The following ZC3HC1 variants were observed in gnomAD, a reference collection of about 807,000 sequenced individuals.
The protein encoded by ZC3HC1 is zinc finger C3HC-type protein 1.
ZC3HC1 carries 38 observed loss-of-function variants against 61.9 expected under a neutral mutation model. The ratio of observed to expected loss-of-function variants is 0.61; its 90% CI spans 0.47 to 0.81. ZC3HC1 has a LOEUF of 0.81. ZC3HC1 is among the 30% of genes least tolerant of loss of function. ZC3HC1 has a pLI of 0.00. For missense variants in ZC3HC1, 554 were observed against 622.7 expected, an observed-to-expected ratio of 0.89 and a Z score of 1.17; for synonymous variants, 213 against 229.9, an observed-to-expected ratio of 0.93 and a Z score of 0.67.
At chr7:130,019,900 CTT>C (rs1312536906) in intron 9 of ZC3HC1, among the ~76,000 whole-genome samples, 5 of 145,102 alleles carry the variant, frequency 3.4e-5, no homozygotes, top group Non-Finnish European at 6.0e-5. Flanking sequence ...ACTGCAACCT[CTT>C]GACTCCCTGG....
intron 2 of ZC3HC1, 138 bp from the exon 3 acceptor site, chr7:130,041,239 G>C: frequency 1.0e-6 from 1 of 964,616 alleles, no homozygotes; most frequent in South Asian, 2.0e-5. Context: ...CCAGGCTGGA[G>C]TGCAGTGGCA....
intron 4 of ZC3HC1, among the ~76,000 whole-genome samples, chr7:130,033,356 G>A (rs1193489166): frequency 1.3e-5 from 2 of 150,742 alleles, no homozygotes; most frequent in African/African-American, 2.4e-5. Context: ...TCTTATTTGA[G>A]TTTCAGATAT....
intron 2 of ZC3HC1, chr7:130,045,369 G>C (rs1017018428): frequency 2.5e-6 from 1 of 405,666 alleles, no homozygotes; most frequent in African/African-American, 2.1e-5. Flanking sequence ...AAAAGCAGAA[G>C]ACGTGGTGTG....
chr7:130,024,583 G>C, intron 6 of ZC3HC1, 77 bp from the exon 7 acceptor site: 1 of 1,474,984 alleles, frequency 6.8e-7, no homozygotes, highest in South Asian at 1.4e-5. Context: ...TTGTGAGTAT[G>C]CCTTATCTCA....
At chr7:130,021,877 T>C (rs1396149344) in intron 9 of ZC3HC1, among the ~76,000 whole-genome samples, 9 of 151,674 alleles carry the variant, frequency 5.9e-5, no homozygotes, top group Non-Finnish European at 1.3e-4. Flanking sequence ...GCAGAATGAG[T>C]CTAACTTGAC....
intron 1 of ZC3HC1, 83 bp downstream of exon 1, chr7:130,051,138 G>C: frequency 6.7e-7 from 1 of 1,502,768 alleles, no homozygotes; most frequent in Non-Finnish European, 8.8e-7. Context: ...CCGACCGAGG[G>C]GAACCTCCCC....
chr7:130,048,018 G>C (rs1584599143), intron 2 of ZC3HC1, among the ~76,000 whole-genome samples: 1 of 152,282 alleles, frequency 6.6e-6, no homozygotes, highest in African/African-American at 2.4e-5. Context: ...GGAACCAAGT[G>C]GGGAGGGACA....
Position 130,049,161 on chromosome 7 carries a change from A to T in ZC3HC1, c.147-17T>A. ...GTGTCCTTCCTAATATAAAGTGGCA[A>T]AACTGTTGGTAAACCTTTCACAGTA... On this transcript the variant is annotated splice_polypyrimidine_tract_variant and intron_variant, in intron 1 of 9. Transcript: ENST00000358303. 1 of 1,575,574 alleles carries T rather than the reference A, an allele frequency of 6.3e-7. No homozygotes were observed. The highest frequency in any genetic ancestry group is 8.6e-7 in the Non-Finnish European group (1 of 1,160,470).
In ZC3HC1 at chr7:130,024,408, G is replaced by A; in HGVS notation, c.875C>T (p.Thr292Ile). Residue 292 changes from threonine (T) to isoleucine (I), a missense_variant, in exon 7 of 10, where the codon ACT becomes ATT. Coordinates refer to ENST00000358303, the MANE Select transcript of ZC3HC1 (RefSeq NM_016478.5). The stretch of plus-strand genomic sequence containing the variant: ...CAGGCCAAAGGATGCATCCAGGTCA[G>A]TCATGGACGATTCAATCTGCTGGAA... ...WGFQQIESSM[T>I]DLDASFGLTS... 6.2e-7 allele frequency: 1 copy of A among 1,614,176 alleles called. No individual in the cohort carries two copies. Among genetic ancestry groups the A allele is most frequent in the East Asian group, 2.2e-5 (1 of 44,878 alleles).
At chr7:130,046,493 G>A (rs954453306) in intron 2 of ZC3HC1, among the ~76,000 whole-genome samples, 2 of 151,812 alleles carry the variant, frequency 1.3e-5, no homozygotes, top group African/African-American at 4.8e-5. Flanking sequence ...TGTAATCTCA[G>A]CTACTTGGGA....
At chr7:130,031,266 G>A (rs1794174511) in intron 4 of ZC3HC1, among the ~76,000 whole-genome samples, 2 of 150,388 alleles carry the variant, frequency 1.3e-5, no homozygotes, top group African/African-American at 4.9e-5. Flanking sequence ...GCGGAGGTTT[G>A]GTGAGCTGAG....
upstream of ZC3HC1, chr7:130,051,388 T>G (rs1795073509): frequency 6.2e-7 from 1 of 1,612,644 alleles, no homozygotes; most frequent in African/African-American, 1.3e-5. Flanking sequence ...GCCGAGTTGC[T>G]TCCCCGAGAG....
intron 9 of ZC3HC1, among the ~76,000 whole-genome samples, chr7:130,021,390 G>A (rs1381720304): frequency 6.6e-6 from 1 of 152,190 alleles, no homozygotes; most frequent in African/African-American, 2.4e-5. Context: ...TTGGGAGTGA[G>A]CCAGCGAAGG....
At chr7:130,024,177 C>T in intron 7 of ZC3HC1, 86 bp downstream of exon 7, 1 of 1,496,630 alleles carries the variant, frequency 6.7e-7, no homozygotes, top group Non-Finnish European at 9.0e-7. Context: ...AGCCTATCCA[C>T]CTAAATTAAT....
chr7:130,019,291 C>T (rs1467016362), intron 9 of ZC3HC1, among the ~76,000 whole-genome samples: 6 of 152,024 alleles, frequency 3.9e-5, no homozygotes, highest in Non-Finnish European at 5.9e-5. Context: ...CCTCGTGATC[C>T]GCCTGCCTCG....
At chr7:130,030,029 T>C (rs1794104909) in intron 4 of ZC3HC1, among the ~76,000 whole-genome samples, 1 of 152,152 alleles carries the variant, frequency 6.6e-6, no homozygotes. Context: ...GGAAACTGAT[T>C]ATATACTATA....
At chr7:130,020,299 G>A (rs930807995) in intron 9 of ZC3HC1, among the ~76,000 whole-genome samples, 12 of 147,900 alleles carry the variant, frequency 8.1e-5, no homozygotes, top group Non-Finnish European at 1.5e-5. Flanking sequence ...TTGAAAGGGA[G>A]TCTCACTCTG....
chr7:130,034,368 C>T (rs1794343029), intron 4 of ZC3HC1, among the ~76,000 whole-genome samples: 1 of 151,194 alleles, frequency 6.6e-6, no homozygotes, highest in Admixed American at 6.6e-5. Flanking sequence ...GCCTGTAGTC[C>T]CAGCTACTGG....
chr7:130,044,371 G>A (rs930631054), intron 2 of ZC3HC1, among the ~76,000 whole-genome samples: 1 of 152,132 alleles, frequency 6.6e-6, no homozygotes, highest in African/African-American at 2.4e-5. Flanking sequence ...AAGGATCCTT[G>A]TAAAATTGGC....
Sources: allele counts gnomAD v4.1 joint callset (sites outside exome capture counted in the v4.1 genomes callset), GRCh38; gene constraint gnomAD v4.1.1; transcripts MANE v1.5; gene names NCBI Gene and HGNC (gene_info 2026-07-23, HGNC 2026-07-21).